NPS: variants seen among roughly 807,000 people sequenced by gnomAD.
NPS encodes the protein neuropeptide S, also known as prepro-neuropeptide S.
In NPS, 6 loss-of-function variants were observed where a neutral mutation model predicts 7.2. That is an observed-to-expected ratio of 0.83 (90% CI 0.46 to 1.64). NPS has a LOEUF of 1.64. Among genes scored for constraint, NPS ranks in the 40% most tolerant of loss-of-function variants. The pLI is 0.01. For missense variants in NPS, 123 were observed against 97.8 expected (o/e 1.26, Z -1.09); for synonymous variants, 42 against 36.7 (o/e 1.14, Z -0.52).
In NPS at chr10:127,549,469, A is replaced by G; in HGVS notation, c.9-20A>G. On this transcript the variant is annotated intron_variant, in intron 1 of 2. Coordinates refer to ENST00000398023, the MANE Select transcript of NPS (RefSeq NM_001030013.2). The stretch of plus-strand genomic sequence containing the variant: ...CTACTTGAGACTAAATCTTGATTGT[A>G]CTTTTTTTCTACTTTGCAGCTCAGT... 1 of 1,596,802 alleles carries G rather than the reference A, an allele frequency of 6.3e-7. No individual in the cohort carries two copies. Among genetic ancestry groups the G allele is most frequent in the Non-Finnish European group, 8.6e-7 (1 of 1,164,430 alleles).
In NPS at chr10:127,552,583, C is replaced by G; in HGVS notation, c.214C>G (p.Arg72Gly). 1 of 1,613,590 alleles carries G rather than the reference C, an allele frequency of 6.2e-7. No individual in the cohort carries two copies. The highest frequency in any genetic ancestry group is 8.5e-7 in the Non-Finnish European group (1 of 1,179,576). The change falls in exon 3 of 3, where the codon CGC becomes GGC. Residue 72 changes from arginine to glycine, a missense_variant. Coordinates refer to ENST00000398023, the MANE Select transcript of NPS (RefSeq NM_001030013.2). ...GAAGATGTTTGTGAAAAGGTCCTTTCGCAATGGAGTTGGCACAGGGATGAA... is the reference window on the plus strand; with the variant it reads ...GAAGATGTTTGTGAAAAGGTCCTTTGGCAATGGAGTTGGCACAGGGATGAA... ...LEKMFVKRSF[R>G]NGVGTGMKKT...
Position 127,552,665 on chromosome 10 carries a change from T to A in NPS, c.*26T>A. ...CTAAGTGTGCAAAGGACTCGGGGAA[T>A]TAATCTAACTGTAGAGTGTGACTGA... On this transcript the variant is annotated 3_prime_UTR_variant, in exon 3 of 3. Transcript: ENST00000398023. 6.6e-7 allele frequency: 1 copy of A among 1,518,790 alleles called. No homozygotes were observed. The highest frequency in any genetic ancestry group is 9.1e-7 in the Non-Finnish European group (1 of 1,095,572). 94.1% of individuals were successfully genotyped at this position (1,518,790 alleles called of 1,614,324 possible).
chr10:127,550,170 A>G (rs1376103855), intron 2 of NPS, among the ~76,000 whole-genome samples: 1 of 152,180 alleles, frequency 6.6e-6, no homozygotes, highest in Non-Finnish European at 1.5e-5. Context: ...TAATTTTAAA[A>G]TATCTTTTGT....
At chr10:127,551,855 T>C (rs1381597204) in intron 2 of NPS, among the ~76,000 whole-genome samples, 1 of 152,174 alleles carries the variant, frequency 6.6e-6, no homozygotes, top group Non-Finnish European at 1.5e-5. Flanking sequence ...CTGCAAAATA[T>C]GGGGTTGAAC....
intron 2 of NPS, among the ~76,000 whole-genome samples, chr10:127,551,929 A>C (rs1931709): frequency 2.0e-5 from 3 of 152,112 alleles, no homozygotes; most frequent in Non-Finnish European, 4.4e-5. Flanking sequence ...ACCACTAAGC[A>C]CCCTACACTC....
rs71032570 is a variant in NPS, at chr10:127,552,787, T to TA, written c.*155dup. On this transcript the variant is annotated 3_prime_UTR_variant, in exon 3 of 3. Transcript: ENST00000398023. ...CCTGACTGGTACAGAGTAAATTGAG[T>TA]AAAAAAAGAAAAAAAATGTAAACAT... is the stretch of plus-strand genomic sequence containing the variant. 0.2 allele frequency: 96,382 copies of TA among 477,806 alleles called. 12,243 individuals are homozygous for TA. The highest frequency in any genetic ancestry group is 0.25 in the Non-Finnish European group (67,226 of 273,166). The allele number at this position is 477,806 out of a possible 1,614,324, so 29.6% of individuals were successfully genotyped here.
chr10:127,552,435 TCTC>T (rs561814738), intron 2 of NPS, 22 bp from the exon 3 acceptor site: 3 of 1,449,048 alleles, frequency 2.1e-6, no homozygotes, highest in Non-Finnish European at 2.9e-6. Flanking sequence ...GTATTCTCTT[TCTC>T]CTCACCCATC....
intron 2 of NPS, among the ~76,000 whole-genome samples, chr10:127,551,555 C>T (rs1310382171): frequency 9.9e-5 from 15 of 152,078 alleles, no homozygotes; most frequent in Admixed American, 9.8e-4. Flanking sequence ...GAGTCAGATG[C>T]CTTGAAAATA....
chr10:127,550,376 T>A (rs1452118580), intron 2 of NPS, among the ~76,000 whole-genome samples: 1 of 152,212 alleles, frequency 6.6e-6, no homozygotes, highest in Non-Finnish European at 1.5e-5. Context: ...TCTTTGCATC[T>A]GTCATTTTTC....
chr10:127,553,337 G>A lies in NPS; in HGVS notation c.*698G>A, dbSNP rs999174176. Among the ~76,000 whole-genome samples the A allele has an allele frequency of 1.3e-5, 2 of 152,172 alleles. No homozygotes were observed. Among genetic ancestry groups the A allele is most frequent in the East Asian group, 1.9e-4 (1 of 5,198 alleles). On this transcript the variant is annotated 3_prime_UTR_variant, in exon 3 of 3. Transcript: ENST00000398023. ...GTAACAACAACAACAGAGAGACTGAGAGTGCCCTGTGTTGTCAGGGCAGCC... is the reference window on the plus strand; with the variant it reads ...GTAACAACAACAACAGAGAGACTGAAAGTGCCCTGTGTTGTCAGGGCAGCC...
chr10:127,552,778 T>C lies in NPS; in HGVS notation c.*139T>C, dbSNP rs1034984273. On this transcript the variant is annotated 3_prime_UTR_variant, in exon 3 of 3. Coordinates refer to ENST00000398023, the MANE Select transcript of NPS (RefSeq NM_001030013.2). ...CTTTCCTCTCCTGACTGGTACAGAG[T>C]AAATTGAGTAAAAAAAGAAAAAAAA... is the stretch of plus-strand genomic sequence containing the variant. 10 of 532,084 alleles carry C rather than the reference T, an allele frequency of 1.9e-5. No individual in the cohort carries two copies. The highest frequency in any genetic ancestry group is 3.5e-5 in the South Asian group (1 of 28,646). 33.0% of individuals were successfully genotyped at this position (532,084 alleles called of 1,614,324 possible).
chr10:127,552,514 T>C lies in NPS; in HGVS notation c.145T>C (p.Leu49=), dbSNP rs1844866965. The C allele has an allele frequency of 6.2e-7, 1 of 1,612,860 alleles. No individual in the cohort carries two copies. The highest frequency in any genetic ancestry group is 2.2e-5 in the East Asian group (1 of 44,858). Residue 49 remains leucine, a synonymous_variant, in exon 3 of 3, where the codon TTG becomes CTG. Coordinates refer to ENST00000398023, the MANE Select transcript of NPS (RefSeq NM_001030013.2). The part of the protein sequence containing the change: ...LILLNSCPTR[L]DRSKELAFLK... ...TCTGCTGAACAGCTGCCCAACCAGA[T>C]TGGACAGGAGCAAAGAACTAGCTTT...
chr10:127,551,336 G>A (rs574404673), intron 2 of NPS, among the ~76,000 whole-genome samples: 4 of 152,040 alleles, frequency 2.6e-5, no homozygotes, highest in South Asian at 4.2e-4. Flanking sequence ...AACCACCCAC[G>A]CGTGGGTGAA....
chr10:127,550,747 C>T (rs748920011), intron 2 of NPS, among the ~76,000 whole-genome samples: 44 of 152,254 alleles, frequency 2.9e-4, no homozygotes, highest in Non-Finnish European at 4.7e-4. Flanking sequence ...CTTGTTATTA[C>T]CTAGTTCCGT....
chr10:127,552,408 C>T, intron 2 of NPS, 52 bp from the exon 3 acceptor site: 1 of 1,015,824 alleles, frequency 9.8e-7, no homozygotes, highest in Non-Finnish European at 1.5e-6. Flanking sequence ...TTGAAATATA[C>T]TTTTAACCCT....
chr10:127,552,614 C>T lies in NPS; in HGVS notation c.245C>T (p.Thr82Ile). 3 of 1,613,312 alleles carry T rather than the reference C, an allele frequency of 1.9e-6. No individual in the cohort carries two copies. Among genetic ancestry groups the T allele is most frequent in the Non-Finnish European group, 2.5e-6 (3 of 1,179,344 alleles). Residue 82 changes from threonine (T) to isoleucine (I), a missense_variant, in exon 3 of 3, where the codon ACT (threonine) becomes ATT (isoleucine). Transcript: ENST00000398023. Reference protein sequence around the residue: ...RNGVGTGMKKTSFQRAKS With the variant: ...RNGVGTGMKKISFQRAKS ...GGAGTTGGCACAGGGATGAAAAAAA[C>T]TTCCTTTCAAAGAGCAAAATCATGA... is the stretch of plus-strand genomic sequence containing the variant.
At chr10:127,550,969 T>C (rs976836221) in intron 2 of NPS, among the ~76,000 whole-genome samples, 1 of 152,194 alleles carries the variant, frequency 6.6e-6, no homozygotes, top group Non-Finnish European at 1.5e-5. Context: ...TTTAGGGATG[T>C]TTCAGGAATC....
chr10:127,550,082 A>T (rs2134876309), intron 2 of NPS, among the ~76,000 whole-genome samples: 1 of 152,330 alleles, frequency 6.6e-6, no homozygotes, highest in African/African-American at 2.4e-5. Context: ...ACATTCAGAA[A>T]ATAAATATCT....
At chr10:127,552,428 T>TTC in intron 2 of NPS, 32 bp from the exon 3 acceptor site, 1 of 1,346,996 alleles carries the variant, frequency 7.4e-7, no homozygotes, top group Non-Finnish European at 1.1e-6. Flanking sequence ...TAAGGCTGTA[T>TTC]TCTCTTTCTC....
Sources: allele counts gnomAD v4.1 joint callset (sites outside exome capture counted in the v4.1 genomes callset), GRCh38; gene constraint gnomAD v4.1.1; transcripts MANE v1.5; gene names NCBI Gene and HGNC (gene_info 2026-07-23, HGNC 2026-07-21).